Variants in ITGA9 observed in about 807,000 individuals in gnomAD.
ITGA9 encodes the protein integrin alpha-9.
A neutral mutation model predicts 127.8 loss-of-function variants in ITGA9; 56 were observed. The observed-to-expected ratio is 0.44, with a 90% CI of 0.35 to 0.55. ITGA9 has a LOEUF of 0.55. Among genes scored for constraint, ITGA9 ranks in the 20% least tolerant of loss-of-function variants. The pLI, the probability that ITGA9 is intolerant of heterozygous loss-of-function variation, is 0.00. For synonymous variants in ITGA9, 508 were observed against 514.5 expected (o/e 0.99, Z 0.17); for missense variants, 1,196 against 1,347.1 (o/e 0.89, Z 1.76).
Position 37,503,225 on chromosome 3 carries a change from C to T in ITGA9, c.660C>T (p.Thr220=). ...GAPGSFYWAG[T]IKVLNLTDNT... ...CAGGGTCATTTTATTGGGCTGGAACCATCAAAGTGCTGAACCTTACGGACA... is the reference window on the plus strand; with the variant it reads ...CAGGGTCATTTTATTGGGCTGGAACTATCAAAGTGCTGAACCTTACGGACA... Residue 220 remains threonine, a synonymous_variant, in exon 6 of 28, where the codon ACC becomes ACT. Transcript: ENST00000264741. The T allele has an allele frequency of 1.9e-6, 3 of 1,613,922 alleles. No individual in the cohort carries two copies. The highest frequency in any genetic ancestry group is 2.5e-6 in the Non-Finnish European group (3 of 1,179,942).
At chr3:37,600,729 C>G (rs536497363) in intron 15 of ITGA9, among the ~76,000 whole-genome samples, 96 of 152,314 alleles carry the variant, frequency 6.3e-4, no homozygotes, top group African/African-American at 2.2e-3. Context: ...CATCTCCCCA[C>G]TGGAGCTCCA....
chr3:37,467,934 C>T (rs553833584), intron 1 of ITGA9, among the ~76,000 whole-genome samples: 129 of 152,266 alleles, frequency 8.5e-4, no homozygotes, highest in African/African-American at 2.6e-3. Context: ...AAAGCTCAGC[C>T]GCTACAGCAA....
intron 15 of ITGA9, among the ~76,000 whole-genome samples, chr3:37,612,127 G>A (rs1700022856): frequency 1.3e-5 from 2 of 152,134 alleles, no homozygotes; most frequent in African/African-American, 4.8e-5. Context: ...TGTTTCTGCA[G>A]TTTTGAAGCA....
At chr3:37,737,446 C>A (rs1215620405) in intron 20 of ITGA9, among the ~76,000 whole-genome samples, 1 of 152,204 alleles carries the variant, frequency 6.6e-6, no homozygotes, top group Non-Finnish European at 1.5e-5. Context: ...GCAGAGGCCC[C>A]AAGAGATGCT....
At chr3:37,666,646 C>T (rs984990623) in intron 17 of ITGA9, among the ~76,000 whole-genome samples, 1 of 152,192 alleles carries the variant, frequency 6.6e-6, no homozygotes, top group Non-Finnish European at 1.5e-5. Flanking sequence ...TGCACTAGAC[C>T]TCATGAGGCC....
intron 18 of ITGA9, 87 bp downstream of exon 18, chr3:37,684,102 C>T: frequency 9.2e-7 from 1 of 1,087,590 alleles, no homozygotes; most frequent in East Asian, 2.4e-5. Flanking sequence ...GGCAATGATT[C>T]TACAAGCACT....
chr3:37,542,013 A>G (rs1446735820), intron 14 of ITGA9, among the ~76,000 whole-genome samples: 2 of 152,216 alleles, frequency 1.3e-5, no homozygotes, highest in Non-Finnish European at 2.9e-5. Flanking sequence ...AGAAGTCAGT[A>G]TTACACAAAG....
chr3:37,494,607 G>A (rs368277748), intron 5 of ITGA9, 39 bp downstream of exon 5: 2 of 1,545,138 alleles, frequency 1.3e-6, no homozygotes, highest in Non-Finnish European at 1.8e-6. Context: ...TTCTCTTGTG[G>A]GTGTTCATTT....
intron 25 of ITGA9, among the ~76,000 whole-genome samples, chr3:37,782,871 G>T (rs1032600861): frequency 3.9e-5 from 6 of 152,200 alleles, no homozygotes; most frequent in Non-Finnish European, 8.8e-5. Flanking sequence ...CGGGCGCAGT[G>T]GCTCACGCCT....
At chr3:37,781,086 G>C (rs1416533877) in intron 25 of ITGA9, among the ~76,000 whole-genome samples, 1 of 152,180 alleles carries the variant, frequency 6.6e-6, no homozygotes, top group Non-Finnish European at 1.5e-5. Context: ...ATTCCCCAGG[G>C]ATTTTGTTTG....
intron 15 of ITGA9, among the ~76,000 whole-genome samples, chr3:37,592,090 C>G (rs1457517438): frequency 2.5e-4 from 38 of 152,288 alleles, no homozygotes; most frequent in Non-Finnish European, 5.9e-5. Context: ...AGAACCCTTT[C>G]ATTCCTCCAG....
intron 5 of ITGA9, 33 bp downstream of exon 5, chr3:37,494,601 C>T (rs772038540): frequency 7.7e-6 from 12 of 1,566,002 alleles, no homozygotes; most frequent in African/African-American, 1.3e-5. Context: ...TTTCTGTTCT[C>T]TTGTGGGTGT....
At chr3:37,680,110 T>G (rs1700721099) in intron 17 of ITGA9, among the ~76,000 whole-genome samples, 1 of 152,160 alleles carries the variant, frequency 6.6e-6, no homozygotes, top group Non-Finnish European at 1.5e-5. Context: ...TAGGAGTTGC[T>G]GGGTTCTCAT....
At chr3:37,486,985 G>T (rs1367297542) in intron 4 of ITGA9, among the ~76,000 whole-genome samples, 1 of 152,212 alleles carries the variant, frequency 6.6e-6, no homozygotes, top group African/African-American at 2.4e-5. Context: ...CAAAGGTGAA[G>T]ATTTTTTTCC....
At chr3:37,618,242 G>A (rs1275436235) in intron 15 of ITGA9, among the ~76,000 whole-genome samples, 2 of 152,246 alleles carry the variant, frequency 1.3e-5, no homozygotes, top group Non-Finnish European at 2.9e-5. Flanking sequence ...GACCCTGTTT[G>A]CCTGGGTATC....
chr3:37,541,833 C>T (rs894841452), intron 14 of ITGA9, among the ~76,000 whole-genome samples: 4 of 152,214 alleles, frequency 2.6e-5, no homozygotes, highest in Admixed American at 2.0e-4. Context: ...ATTGATACAT[C>T]CCCTCTACCT....
rs180789996 is a variant in ITGA9 at position 37,823,315 on chromosome 3, A to G, written c.*4326A>G. On this transcript the variant is annotated 3_prime_UTR_variant, in exon 28 of 28. Coordinates refer to ENST00000264741, the MANE Select transcript of ITGA9 (RefSeq NM_002207.3). ...CTTGGCAGGCACCCACGCTATCTGC[A>G]TTTCCAGAACTTTACTGATGCATCC... The G allele has an allele frequency of 6.6e-6, 1 of 152,290 alleles. No homozygotes were observed. Among genetic ancestry groups the G allele is most frequent in the African/African-American group, 2.4e-5 (1 of 41,562 alleles). The allele number at this position is 152,290 out of a possible 1,614,324, so 9.4% of individuals were successfully genotyped here.
At chr3:37,527,916 G>T (rs2125584441) in intron 13 of ITGA9, among the ~76,000 whole-genome samples, 1 of 152,232 alleles carries the variant, frequency 6.6e-6, no homozygotes, top group Admixed American at 6.5e-5. Context: ...CTCCTGAGCA[G>T]CTGGGATCAC....
At chr3:37,675,379 CCTT>C (rs1700671410) in intron 17 of ITGA9, among the ~76,000 whole-genome samples, 1 of 152,198 alleles carries the variant, frequency 6.6e-6, no homozygotes, top group Non-Finnish European at 1.5e-5. Flanking sequence ...GGTTGCCTGT[CCTT>C]CTGTGTTTCA....
Sources: gnomAD v4.1 joint callset for allele counts (sites outside exome capture counted in the v4.1 genomes callset) on GRCh38, gnomAD v4.1.1 for gene constraint, MANE v1.5 for transcripts, NCBI Gene and HGNC (gene_info 2026-07-23, HGNC 2026-07-21) for gene names.